Variants in CHCHD3 observed in about 807,000 individuals in gnomAD.
The protein encoded by CHCHD3 is coiled-coil-helix-coiled-coil-helix domain containing 3, also known as MICOS complex subunit MIC19.
A neutral mutation model predicts 38.2 loss-of-function variants in CHCHD3; 20 were observed. The ratio of observed to expected loss-of-function variants is 0.52; its 90% CI spans 0.37 to 0.76. The LOEUF (loss-of-function observed/expected upper bound fraction) is 0.76, where lower values mean the gene tolerates loss of function less well. Ranked by LOEUF, CHCHD3 falls within the 30% of genes least tolerant of loss-of-function variation. The probability of loss-of-function intolerance (pLI) is 0.00; values close to 1 mark genes in which losing one functional copy is unlikely to be tolerated. For missense variants in CHCHD3, 245 were observed against 279.2 expected (o/e 0.88, Z 0.87); for synonymous variants, 82 against 100.0 (o/e 0.82, Z 1.07).
intron 7 of CHCHD3, among the ~76,000 whole-genome samples, chr7:132,790,888 G>A (rs1453795816): frequency 6.6e-6 from 1 of 152,134 alleles, no homozygotes; most frequent in African/African-American, 2.4e-5. Flanking sequence ...GAGAAGAGGG[G>A]AAGGGGATCT....
intron 5 of CHCHD3, among the ~76,000 whole-genome samples, chr7:132,839,238 A>C (rs1381531981): frequency 6.6e-6 from 1 of 152,146 alleles, no homozygotes; most frequent in Non-Finnish European, 1.5e-5. Context: ...TTGTTCTATC[A>C]TTTCCACGTG....
At chr7:132,862,422 T>C (rs1021457069) in intron 5 of CHCHD3, among the ~76,000 whole-genome samples, 6 of 152,228 alleles carry the variant, frequency 3.9e-5, no homozygotes, top group Non-Finnish European at 8.8e-5. Context: ...CTGTTAAGCG[T>C]GCAATAGCAT....
intron 2 of CHCHD3, among the ~76,000 whole-genome samples, chr7:133,048,468 AC>A (rs1814059730): frequency 6.6e-6 from 1 of 152,208 alleles, no homozygotes; most frequent in South Asian, 2.1e-4. Context: ...CAGGATTTTT[AC>A]TAATTCCAAA....
At chr7:132,999,161 T>C (rs1228399089) in intron 3 of CHCHD3, among the ~76,000 whole-genome samples, 2 of 152,130 alleles carry the variant, frequency 1.3e-5, no homozygotes, top group Admixed American at 1.3e-4. Context: ...CAATTTCCAA[T>C]ATTTATCTGC....
chr7:132,891,965 C>T (rs571101688), intron 4 of CHCHD3, among the ~76,000 whole-genome samples: 1 of 152,288 alleles, frequency 6.6e-6, no homozygotes, highest in South Asian at 2.1e-4. Flanking sequence ...TCCCAGGAAG[C>T]GTAACTGTGA....
chr7:132,997,121 T>C (rs972676451), intron 3 of CHCHD3, among the ~76,000 whole-genome samples: 10 of 152,180 alleles, frequency 6.6e-5, no homozygotes, highest in Non-Finnish European at 5.9e-5. Flanking sequence ...ACTAACAAAA[T>C]GAATAATTTA....
chr7:133,007,632 G>A (rs1329944813), intron 3 of CHCHD3, among the ~76,000 whole-genome samples: 1 of 152,120 alleles, frequency 6.6e-6, no homozygotes, highest in African/African-American at 2.4e-5. Flanking sequence ...AGAGAAACTA[G>A]CCACTCTCTG....
At chr7:132,812,014 C>T (rs1400623510) in intron 6 of CHCHD3, among the ~76,000 whole-genome samples, 1 of 151,992 alleles carries the variant, frequency 6.6e-6, no homozygotes, top group Non-Finnish European at 1.5e-5. Context: ...TAAAACTGAA[C>T]TAATTCCCTC....
At chr7:132,813,650 T>C (rs1414872940) in intron 6 of CHCHD3, 2 of 152,238 alleles carry the variant, frequency 1.3e-5, no homozygotes, top group Non-Finnish European at 2.9e-5. Context: ...ACCCATTTGT[T>C]ATCATCTTCT....
chr7:132,845,792 A>G (rs1808062938), intron 5 of CHCHD3, among the ~76,000 whole-genome samples: 1 of 152,182 alleles, frequency 6.6e-6, no homozygotes, highest in African/African-American at 2.4e-5. Flanking sequence ...GTCCAACCAC[A>G]TGTCAATCCT....
At chr7:132,965,059 A>ATGTGTGTGTGTG (rs5887603) in intron 4 of CHCHD3, among the ~76,000 whole-genome samples, 14,806 of 148,384 alleles carry the variant, frequency 0.1, 853 homozygotes, top group South Asian at 0.16. Flanking sequence ...TATGGGTTTT[A>ATGTGTGTGTGTG]TGTGTGTGTG....
At chr7:132,947,589 G>A (rs1810929480) in intron 4 of CHCHD3, among the ~76,000 whole-genome samples, 1 of 151,924 alleles carries the variant, frequency 6.6e-6, no homozygotes, top group African/African-American at 2.4e-5. Context: ...GACATTGAAA[G>A]ACTCAAATGT....
chr7:133,013,001 C>T (rs1276619408), intron 3 of CHCHD3, among the ~76,000 whole-genome samples: 1 of 151,750 alleles, frequency 6.6e-6, no homozygotes, highest in Non-Finnish European at 1.5e-5. Flanking sequence ...GCCTGGCCAA[C>T]ATGATGAAAC....
At chr7:132,897,405 G>A (rs1809527600) in intron 4 of CHCHD3, among the ~76,000 whole-genome samples, 1 of 152,100 alleles carries the variant, frequency 6.6e-6, no homozygotes, top group Admixed American at 6.5e-5. Flanking sequence ...TCACACTATT[G>A]GGACCAATTG....
At chr7:133,015,301 C>T (rs1158707892) in intron 3 of CHCHD3, among the ~76,000 whole-genome samples, 1 of 151,716 alleles carries the variant, frequency 6.6e-6, no homozygotes, top group African/African-American at 2.4e-5. Flanking sequence ...CTAGATTGTG[C>T]CACTGCACTC....
chr7:132,924,328 A>G (rs886849952), intron 4 of CHCHD3, among the ~76,000 whole-genome samples: 1 of 152,232 alleles, frequency 6.6e-6, no homozygotes, highest in Non-Finnish European at 1.5e-5. Context: ...AGTATGACAC[A>G]CATACATAAA....
intron 3 of CHCHD3, among the ~76,000 whole-genome samples, chr7:132,984,116 A>G (rs1812004948): frequency 7.3e-6 from 1 of 137,276 alleles, no homozygotes; most frequent in Non-Finnish European, 1.6e-5. Context: ...ATGCCGAGCC[A>G]AAGCTGGACT....
chr7:132,903,310 G>A (rs1809715383), intron 4 of CHCHD3, among the ~76,000 whole-genome samples: 2 of 151,588 alleles, frequency 1.3e-5, no homozygotes, highest in Admixed American at 1.3e-4. Context: ...TTTTTTATTT[G>A]TATTCTTTTT....
chr7:132,895,957 G>A (rs1809483887), intron 4 of CHCHD3, among the ~76,000 whole-genome samples: 1 of 152,152 alleles, frequency 6.6e-6, no homozygotes, highest in Non-Finnish European at 1.5e-5. Context: ...ACAGAAAACT[G>A]CAACTTCATT....
Sources: allele counts gnomAD v4.1 joint callset (sites outside exome capture counted in the v4.1 genomes callset), GRCh38; gene constraint gnomAD v4.1.1; transcripts MANE v1.5; gene names NCBI Gene and HGNC (gene_info 2026-07-23, HGNC 2026-07-21).